Variants in MTAP observed in about 807,000 individuals in gnomAD.
MTAP encodes the protein S-methyl-5'-thioadenosine phosphorylase.
A neutral mutation model predicts 33.6 loss-of-function variants in MTAP; 33 were observed. The observed-to-expected ratio is 0.98, with a 90% CI of 0.74 to 1.31. MTAP has a LOEUF of 1.31. Among genes scored for constraint, MTAP ranks in the 40% most tolerant of loss-of-function variants. The pLI, the probability that MTAP is intolerant of heterozygous loss-of-function variation, is 0.00. For missense variants in MTAP, 367 were observed against 360.0 expected (o/e 1.02, Z -0.16); for synonymous variants, 148 against 125.7 (o/e 1.18, Z -1.19).
intron 1 of MTAP, among the ~76,000 whole-genome samples, chr9:21,907,853 T>A (rs969933585): frequency 3.9e-5 from 6 of 152,192 alleles, no homozygotes; most frequent in African/African-American, 1.4e-4. Flanking sequence ...TATTTCAAGA[T>A]AATTGCTAAC....
chr9:21,843,872 A>G (rs1825313376), intron 5 of MTAP, among the ~76,000 whole-genome samples: 1 of 152,178 alleles, frequency 6.6e-6, no homozygotes, highest in South Asian at 2.1e-4. Context: ...ACCCAAACCT[A>G]GCAGAAGAAA....
rs1293950268 is a variant in MTAP, at chr9:21,864,955, A to G, written c.*2941A>G. On this transcript the variant is annotated 3_prime_UTR_variant, in exon 8 of 8. Coordinates refer to ENST00000644715, the MANE Select transcript of MTAP (RefSeq NM_002451.4). ...CCTGAACATGTTTTTAATTTTCTCA[A>G]CAAGCATTTAGCCAGCACTTATCCA... 29 of 985,324 alleles carry G rather than the reference A, an allele frequency of 2.9e-5. No individual in the cohort carries two copies. Among genetic ancestry groups the G allele is most frequent in the Non-Finnish European group, 3.4e-5 (28 of 829,928 alleles). The allele number at this position is 985,324 out of a possible 1,614,324, so 61.0% of individuals were successfully genotyped here.
chr9:21,903,051 G>A (rs1294549558), intron 1 of MTAP, among the ~76,000 whole-genome samples: 1 of 152,184 alleles, frequency 6.6e-6, no homozygotes, highest in African/African-American at 2.4e-5. Context: ...ATCTGAAAAT[G>A]AGGCTGTGTT....
rs1219805754 is a variant in MTAP at position 21,863,033 on chromosome 9, CT to C, written c.*1022del. 1.1e-5 allele frequency: 11 copies of C among 985,168 alleles called. No homozygotes were observed. The African/African-American group carries it at 1.6e-4, about 14-fold the overall frequency. 61.0% of individuals were successfully genotyped at this position (985,168 alleles called of 1,614,324 possible). A position where few individuals can be genotyped will look rare whatever the true frequency, so the allele number is the denominator to read the frequency against. ...TGAATGTCATTTAAGGGAGTTACAT[CT>C]TTATTCTGCTAAAGAAGAGGATCAT... On this transcript the variant is annotated 3_prime_UTR_variant, in exon 8 of 8. Transcript: ENST00000644715.
At position 21,865,376 on chromosome 9, in the gene MTAP, C is replaced by G. The variant is rs1211629296; in HGVS notation, c.*3362C>G. On this transcript the variant is annotated 3_prime_UTR_variant, in exon 8 of 8. Transcript: ENST00000644715. ...ATGTGGAACTGTGAGTTAATTAAAC[C>G]TCTTTCCTTTATAAATTACCCAGTC... is the stretch of plus-strand genomic sequence containing the variant. 1.1e-6 allele frequency: 1 copy of G among 927,454 alleles called. No individual in the cohort carries two copies. The highest frequency in any genetic ancestry group is 6.2e-5 in the Admixed American group (1 of 16,192). The allele number at this position is 927,454 out of a possible 1,614,324, so 57.5% of individuals were successfully genotyped here.
intron 1 of MTAP, among the ~76,000 whole-genome samples, chr9:21,890,983 A>G (rs998504825): frequency 1.3e-5 from 2 of 152,040 alleles, no homozygotes; most frequent in East Asian, 1.9e-4. Context: ...ATTTTCCCCA[A>G]TATTTTGCAT....
At chr9:21,908,538 A>G (rs1341801795) in intron 1 of MTAP, among the ~76,000 whole-genome samples, 2 of 152,168 alleles carry the variant, frequency 1.3e-5, no homozygotes, top group Non-Finnish European at 2.9e-5. Context: ...CCAACTTCAT[A>G]TCATTACATT....
In MTAP at chr9:21,863,142, T is replaced by C; in HGVS notation, c.*1128T>C. 1 of 976,136 alleles carries C rather than the reference T, an allele frequency of 1.0e-6. No homozygotes were observed. Among genetic ancestry groups the C allele is most frequent in the Non-Finnish European group, 1.2e-6 (1 of 821,456 alleles). The allele number at this position is 976,136 out of a possible 1,614,324, so 60.5% of individuals were successfully genotyped here. A position where few individuals can be genotyped will look rare whatever the true frequency, so the allele number is the denominator to read the frequency against. On this transcript the variant is annotated 3_prime_UTR_variant, in exon 8 of 8. Transcript: ENST00000644715. ...AGGTGTTTAATAGTTTAACTGAAAGTTTAACTATTTAAAAGACTAAATGCA... is the reference window on the plus strand; with the variant it reads ...AGGTGTTTAATAGTTTAACTGAAAGCTTAACTATTTAAAAGACTAAATGCA...
chr9:21,808,060 A>T (rs1325613142), intron 1 of MTAP, among the ~76,000 whole-genome samples: 2 of 152,236 alleles, frequency 1.3e-5, no homozygotes, highest in East Asian at 3.9e-4. Context: ...CTAGAAATGC[A>T]AGTTCATAGG....
rs997030059 is a variant in MTAP, at chr9:21,865,627, A to G, written c.*3613A>G. The G allele has an allele frequency of 4.0e-6, 4 of 989,012 alleles. No individual in the cohort carries two copies. The highest frequency in any genetic ancestry group is 6.1e-5 in the Admixed American group (1 of 16,450). The allele number at this position is 989,012 out of a possible 1,614,324, so 61.3% of individuals were successfully genotyped here. On this transcript the variant is annotated 3_prime_UTR_variant, in exon 8 of 8. Transcript: ENST00000644715. ...AGAAGGACAGCAGTAAATGAAGACC[A>G]TGGAAGAAAAGAAGGAATGCCAAAG...
chr9:21,815,271 A>G (rs147347597), intron 1 of MTAP, among the ~76,000 whole-genome samples, 162 bp from the exon 2 acceptor site: 322 of 152,324 alleles, frequency 2.1e-3, no homozygotes, highest in Non-Finnish European at 3.6e-3. Flanking sequence ...GAAGGCTTTG[A>G]AATATTTGTT....
chr9:21,834,640 C>T (rs900942222), intron 4 of MTAP, among the ~76,000 whole-genome samples: 3 of 152,234 alleles, frequency 2.0e-5, no homozygotes, highest in Non-Finnish European at 2.9e-5. Context: ...ATCATGCTGA[C>T]ATTGACTCTT....
At position 21,864,834 on chromosome 9, in the gene MTAP, G is replaced by A. The variant is rs553718497; in HGVS notation, c.*2820G>A. On this transcript the variant is annotated 3_prime_UTR_variant, in exon 8 of 8. Transcript: ENST00000644715. Reference sequence around the variant, plus strand: ...GAGCCTGCTCTGGCATCCACAGGATGCTCCTGGAGCCTCTTCTCTGGCTGC... The same window carrying A: ...GAGCCTGCTCTGGCATCCACAGGATACTCCTGGAGCCTCTTCTCTGGCTGC... The A allele has an allele frequency of 1.0e-6, 1 of 985,472 alleles. No individual in the cohort carries two copies. The highest frequency in any genetic ancestry group is 1.2e-6 in the Non-Finnish European group (1 of 829,948). 61.0% of individuals were successfully genotyped at this position (985,472 alleles called of 1,614,324 possible).
intron 1 of MTAP, among the ~76,000 whole-genome samples, chr9:21,808,494 T>C (rs561659030): frequency 2.0e-5 from 3 of 150,174 alleles, no homozygotes; most frequent in Non-Finnish European, 4.4e-5. Flanking sequence ...GGGGCTGAGG[T>C]AGGAGGGTCA....
At chr9:21,877,814 G>C (rs1466062554) in intron 1 of MTAP, among the ~76,000 whole-genome samples, 2 of 152,000 alleles carry the variant, frequency 1.3e-5, no homozygotes, top group Non-Finnish European at 2.9e-5. Flanking sequence ...TTTGCCTGAA[G>C]TTTTCTTATT....
chr9:21,915,256 T>C (rs370966002), intron 1 of MTAP, among the ~76,000 whole-genome samples: 132 of 149,950 alleles, frequency 8.8e-4, no homozygotes, highest in African/African-American at 3.1e-3. Context: ...GCCCGGCTAA[T>C]TTTTTTTTGT....
intron 4 of MTAP, among the ~76,000 whole-genome samples, chr9:21,828,315 A>C (rs1824874559): frequency 6.6e-6 from 1 of 152,340 alleles, no homozygotes; most frequent in East Asian, 1.9e-4. Flanking sequence ...GAGTGTGTGC[A>C]TACTGGCTGG....
At position 21,922,874 on chromosome 9, in the gene MTAP, G is replaced by A. The variant is rs962168540; in HGVS notation, c.148-8134G>A. Among the ~76,000 whole-genome samples the A allele has an allele frequency of 7.2e-4, 110 of 152,286 alleles. No individual in the cohort carries two copies. Among genetic ancestry groups the A allele is most frequent in the Middle Eastern group, 3.4e-3 (1 of 294 alleles). On this transcript the variant is annotated intron_variant, in intron 1 of 1. Transcript: ENST00000577563. This position sits in a 1 kb window ranked among gnomAD's most constrained non-coding sequence, Gnocchi z 4.8. ...ATACTAATGGCCCTCCTAGACAGGA[G>A]GCTCATGAGAGTGGTAGGGCTAAAG...
intron 1 of MTAP, among the ~76,000 whole-genome samples, chr9:21,902,436 C>A (rs556112975): frequency 7.2e-5 from 11 of 152,318 alleles, no homozygotes; most frequent in Admixed American, 1.3e-4. Context: ...TAGCACATGT[C>A]TGTAATACTA....
Sources: allele counts gnomAD v4.1 joint callset (sites outside exome capture counted in the v4.1 genomes callset), GRCh38; gene constraint gnomAD v4.1.1; non-coding constraint Gnocchi (gnomAD v3.1); transcripts MANE v1.5; gene names NCBI Gene and HGNC (gene_info 2026-07-23, HGNC 2026-07-21).